The following AP2A2 variants were observed in gnomAD, a reference collection of about 807,000 sequenced individuals.
The protein encoded by AP2A2 is adaptor related protein complex 2 subunit alpha 2, also known as AP-2 complex subunit alpha-2.
Under a neutral mutation model 104.2 loss-of-function variants are expected in AP2A2, and 32 were observed. That is an observed-to-expected ratio of 0.31 (90% CI 0.23 to 0.41). The LOEUF (loss-of-function observed/expected upper bound fraction) is 0.41, where lower values mean the gene tolerates loss of function less well. AP2A2 is among the 10% of genes least tolerant of loss of function. AP2A2 has a pLI of 1.00. For synonymous variants in AP2A2, 539 were observed against 533.3 expected, an observed-to-expected ratio of 1.01 and a Z score of -0.15; for missense variants, 912 against 1,261.0, an observed-to-expected ratio of 0.72 and a Z score of 4.19.
At chr11:934,874 T>C (rs569821952) in intron 1 of AP2A2, among the ~76,000 whole-genome samples, 2 of 152,086 alleles carry the variant, frequency 1.3e-5, no homozygotes, top group Non-Finnish European at 2.9e-5. Flanking sequence ...TTTTTTTTTT[T>C]TGGAGATGGA....
At position 1,011,287 on chromosome 11, in the gene AP2A2, G is replaced by C. The variant is rs1457272059; in HGVS notation, c.*662G>C. 5.8e-6 allele frequency: 3 copies of C among 518,894 alleles called. No individual in the cohort carries two copies. Among genetic ancestry groups the C allele is most frequent in the African/African-American group, 1.9e-5 (1 of 52,098 alleles). The allele number at this position is 518,894 out of a possible 1,614,324, so 32.1% of individuals were successfully genotyped here. On this transcript the variant is annotated 3_prime_UTR_variant, in exon 22 of 22. Transcript: ENST00000448903. The stretch of plus-strand genomic sequence containing the variant: ...TCTGTTATGCTCCTGCAGTCGCCGA[G>C]GCCTTGGATGTGCAGCCAGGGGAGG...
intron 1 of AP2A2, among the ~76,000 whole-genome samples, chr11:955,455 A>C (rs187274374): frequency 2.2e-4 from 33 of 152,106 alleles, no homozygotes; most frequent in Admixed American, 1.3e-3. Flanking sequence ...TACAGAGAGG[A>C]GTGGGGATGC....
Position 927,285 on chromosome 11 carries a change from G to A in AP2A2, c.67+1197G>A, listed in dbSNP as rs1029689622. Among the ~76,000 whole-genome samples, 4 of 152,002 alleles carry A rather than the reference G, an allele frequency of 2.6e-5. No homozygotes were observed. In the East Asian group the frequency reaches 5.8e-4, roughly 22 times the overall value. On this transcript the variant is annotated intron_variant, in intron 1 of 21. Coordinates refer to ENST00000448903, the MANE Select transcript of AP2A2 (RefSeq NM_012305.4). ...TCGCCATGTTGCCTAGGCTGGTCTC[G>A]AAATCCTGAGCTCAAGTGATCCACC...
intron 2 of AP2A2, among the ~76,000 whole-genome samples, chr11:960,112 G>A (rs571734684): frequency 2.0e-5 from 3 of 152,316 alleles, no homozygotes; most frequent in Non-Finnish European, 4.4e-5. Flanking sequence ...GGCACAATGA[G>A]TCGGGGAGAG....
chr11:964,799 A>G (rs1297263114), intron 2 of AP2A2, among the ~76,000 whole-genome samples: 1 of 136,054 alleles, frequency 7.4e-6, no homozygotes, highest in Non-Finnish European at 1.7e-5. Flanking sequence ...CCCAGATGGA[A>G]GCGTGGAAAT....
In AP2A2 at chr11:1,011,260, C is replaced by T. The variant is rs369101998; in HGVS notation, c.*635C>T. The T allele has an allele frequency of 3.3e-5, 17 of 518,948 alleles. No homozygotes were observed. Among genetic ancestry groups the T allele is most frequent in the Non-Finnish European group, 6.2e-5 (16 of 259,996 alleles). 32.1% of individuals were successfully genotyped at this position (518,948 alleles called of 1,614,324 possible). Reference sequence around the variant, plus strand: ...TTTCCCAGCTCCTGTTTGTGAAGGGCGTCTGTTATGCTCCTGCAGTCGCCG... The same window carrying T: ...TTTCCCAGCTCCTGTTTGTGAAGGGTGTCTGTTATGCTCCTGCAGTCGCCG... On this transcript the variant is annotated 3_prime_UTR_variant, in exon 22 of 22. Coordinates refer to ENST00000448903, the MANE Select transcript of AP2A2 (RefSeq NM_012305.4).
chr11:985,499 G>A lies in AP2A2; in HGVS notation c.879G>A (p.Pro293=), dbSNP rs755216664. 2.5e-6 allele frequency: 4 copies of A among 1,613,832 alleles called. No individual in the cohort carries two copies. Among genetic ancestry groups the A allele is most frequent in the East Asian group, 2.2e-5 (1 of 44,880 alleles). ...CCATCCTGAACAAAGCCCAAGAACC[G>A]CCCAAGTCGAAGAAGGTCCAGCACT... ...LETILNKAQE[P]PKSKKVQHSN... Residue 293 remains proline (P), a synonymous_variant, in exon 8 of 22, where the codon CCG becomes CCA. Transcript: ENST00000448903.
chr11:926,921 A>G (rs1393876429), intron 1 of AP2A2, among the ~76,000 whole-genome samples: 2 of 152,158 alleles, frequency 1.3e-5, no homozygotes, highest in South Asian at 2.1e-4. Flanking sequence ...CCGGTCCACC[A>G]ATTAATTTGA....
chr11:938,697 A>G (rs1340813230), intron 1 of AP2A2, among the ~76,000 whole-genome samples: 2 of 151,944 alleles, frequency 1.3e-5, no homozygotes, highest in East Asian at 2.0e-4. Context: ...GATGGTCTCC[A>G]TCTCCTGACC....
At chr11:1,007,968 T>TCTG in intron 17 of AP2A2, 44 bp from the exon 18 acceptor site, 1 of 1,551,218 alleles carries the variant, frequency 6.4e-7, no homozygotes, top group South Asian at 1.2e-5. Context: ...CGTTTCCGCT[T>TCTG]CTGCCACTGG....
intron 1 of AP2A2, among the ~76,000 whole-genome samples, chr11:951,972 AT>A (rs66636523): frequency 0.51 from 77,023 of 151,738 alleles, 20,158 homozygotes; most frequent in Middle Eastern, 0.66. Context: ...GGCTCAGGTG[AT>A]TCCCCCCACC....
chr11:1,001,808 T>C (rs1590017900), intron 15 of AP2A2, among the ~76,000 whole-genome samples: 1 of 152,192 alleles, frequency 6.6e-6, no homozygotes, highest in Non-Finnish European at 1.5e-5. Flanking sequence ...ACGGCTGTGC[T>C]GGGAGCTGCA....
chr11:970,809 T>G (rs1232660260), intron 3 of AP2A2, among the ~76,000 whole-genome samples: 2 of 152,214 alleles, frequency 1.3e-5, no homozygotes, highest in Non-Finnish European at 1.5e-5. Flanking sequence ...GCTTTGTTTC[T>G]GCAGTAGGCG....
intron 4 of AP2A2, among the ~76,000 whole-genome samples, chr11:974,679 T>C (rs1854956936): frequency 2.0e-5 from 1 of 49,098 alleles, no homozygotes; most frequent in South Asian, 4.2e-4. Context: ...TAAGACTCTG[T>C]CTCAAAAAAA....
intron 1 of AP2A2, among the ~76,000 whole-genome samples, chr11:941,153 C>T (rs1589948678): frequency 6.6e-6 from 1 of 152,212 alleles, no homozygotes; most frequent in Non-Finnish European, 1.5e-5. Context: ...CTCCTGACAT[C>T]GGTCTCCTGA....
Position 993,186 on chromosome 11 carries a change from G to T in AP2A2, c.1453-98G>T. The T allele has an allele frequency of 1.1e-6, 1 of 879,166 alleles. No individual in the cohort carries two copies. Among genetic ancestry groups the T allele is most frequent in the Non-Finnish European group, 1.7e-6 (1 of 590,948 alleles). 54.5% of individuals were successfully genotyped at this position (879,166 alleles called of 1,614,324 possible). Reference sequence around the variant, plus strand: ...ACTGGGGTCTCCAGGAAGCTGAGGGGCTGGTGCTGGTGTAGGGTGCACCGC... The same window carrying T: ...ACTGGGGTCTCCAGGAAGCTGAGGGTCTGGTGCTGGTGTAGGGTGCACCGC... On this transcript the variant is annotated intron_variant, in intron 11 of 21. Transcript: ENST00000448903. The surrounding 1 kb of genome is among the most constrained non-coding windows in gnomAD (Gnocchi z 8.2).
intron 1 of AP2A2, chr11:942,964 G>A (rs918308347): frequency 6.6e-6 from 1 of 152,294 alleles, no homozygotes; most frequent in African/African-American, 2.4e-5. Flanking sequence ...AGCGAGGAGA[G>A]GAGCTGGCAT....
chr11:984,822 GGTTT>G (rs1855396228), intron 7 of AP2A2, 69 bp downstream of exon 7: 10 of 1,310,730 alleles, frequency 7.6e-6, no homozygotes, highest in Admixed American at 3.4e-5. Flanking sequence ...AGATTTAAGT[GGTTT>G]GTTTGTTATT....
chr11:971,013 C>T (rs375167097), intron 3 of AP2A2, among the ~76,000 whole-genome samples: 10 of 152,302 alleles, frequency 6.6e-5, no homozygotes, highest in Admixed American at 5.9e-4. Context: ...ATATTTTCTT[C>T]CATTTGTCAA....
Sources: gnomAD v4.1 joint callset for allele counts (sites outside exome capture counted in the v4.1 genomes callset) on GRCh38, gnomAD v4.1.1 for gene constraint, Gnocchi (gnomAD v3.1) non-coding constraint, MANE v1.5 for transcripts, NCBI Gene and HGNC (gene_info 2026-07-23, HGNC 2026-07-21) for gene names.